LRP10: variants seen among roughly 807,000 people sequenced by gnomAD.
The protein encoded by LRP10 is low-density lipoprotein receptor-related protein 10.
Under a neutral mutation model 58.5 loss-of-function variants are expected in LRP10, and 42 were observed. The ratio of observed to expected loss-of-function variants is 0.72; its 90% CI spans 0.56 to 0.93. The LOEUF is 0.93. LRP10 is among the 40% of genes least tolerant of loss of function. The pLI is 0.00. For missense variants in LRP10, 872 were observed against 940.1 expected (o/e 0.93, Z 0.95); for synonymous variants, 377 against 388.5 (o/e 0.97, Z 0.35).
In LRP10 at chr14:22,872,773, C is replaced by T. The variant is rs760675702; in HGVS notation, c.70C>T (p.Pro24Ser). Reference sequence around the variant, plus strand: ...GGCCCATCCAGACCGGATTATTTTTCCAAATCATGGTGAGTTGAGGGAACC... The same window carrying T: ...GGCCCATCCAGACCGGATTATTTTTTCAAATCATGGTGAGTTGAGGGAACC... ...ALAHPDRIIFPNHACEDPPAV... is the reference protein window; with the variant it reads ...ALAHPDRIIFSNHACEDPPAV... Residue 24 changes from proline (P) to serine (S), a missense_variant, in exon 2 of 7, where the codon CCA becomes TCA. Physicochemically the swap from Pro to Ser is moderately conservative, Grantham distance 74. Coordinates refer to ENST00000359591, the MANE Select transcript of LRP10 (RefSeq NM_014045.5). The T allele has an allele frequency of 3.1e-6, 5 of 1,614,046 alleles. No homozygotes were observed. The Admixed American group carries it at 6.7e-5, about 22-fold the overall frequency.
At position 22,877,081 on chromosome 14, in the gene LRP10, C is replaced by T. The variant is rs538345468; in HGVS notation, c.1696C>T (p.Leu566Phe). The change falls in exon 7 of 7, where the codon CTC becomes TTC. Residue 566 changes from leucine to phenylalanine, a missense_variant. Coordinates refer to ENST00000359591, the MANE Select transcript of LRP10 (RefSeq NM_014045.5). This position sits in a 1 kb window ranked among gnomAD's most constrained non-coding sequence, Gnocchi z 5.1. Reference protein sequence around the residue: ...LVRRLRRWGLLPRTNTPARAS... With the variant: ...LVRRLRRWGLFPRTNTPARAS... Reference sequence around the variant, plus strand: ...ACGCCGTCTCCGCCGCTGGGGCTTGCTCCCTCGAACCAACACCCCGGCTCG... The same window carrying T: ...ACGCCGTCTCCGCCGCTGGGGCTTGTTCCCTCGAACCAACACCCCGGCTCG... 7 of 1,613,764 alleles carry T rather than the reference C, an allele frequency of 4.3e-6. No homozygotes were observed. The highest frequency in any genetic ancestry group is 4.5e-5 in the East Asian group (2 of 44,894).
In LRP10 at chr14:22,877,325, A is replaced by C; in HGVS notation, c.1940A>C (p.Glu647Ala). The change falls in exon 7 of 7, where the codon GAG becomes GCG. Residue 647 changes from glutamate to alanine, a missense_variant. Glu to Ala is a moderately radical substitution (Grantham distance 107). Coordinates refer to ENST00000359591, the MANE Select transcript of LRP10 (RefSeq NM_014045.5). The surrounding 1 kb of genome is among the most constrained non-coding windows in gnomAD (Gnocchi z 5.1). ...GGGCCACTGCCCTCACTGCCCCTAG[A>C]GCCATCACTATTGTCTGGAGTGGTG... is the stretch of plus-strand genomic sequence containing the variant. ...APGPLPSLPL[E>A]PSLLSGVVQA... 6.2e-7 allele frequency: 1 copy of C among 1,612,178 alleles called. No homozygotes were observed. The highest frequency in any genetic ancestry group is 1.1e-5 in the South Asian group (1 of 90,868).
chr14:22,873,130 ATG>A (rs1203601233), intron 2 of LRP10, 179 bp from the exon 3 acceptor site: 1 of 687,890 alleles, frequency 1.5e-6, no homozygotes, highest in African/African-American at 1.8e-5. Context: ...GCTATGAAGA[ATG>A]TGGAGAGAAA....
In LRP10 at chr14:22,872,798, C is replaced by A. The variant is rs183715119; in HGVS notation, c.79+16C>A. The A allele has an allele frequency of 2.5e-4, 402 of 1,613,942 alleles. No homozygotes were observed. The highest frequency in any genetic ancestry group is 3.2e-4 in the Non-Finnish European group (374 of 1,179,846). Reference sequence around the variant, plus strand: ...CCAAATCATGGTGAGTTGAGGGAACCTCTGGGGCTCCGTGGGCTTGGGAAT... The same window carrying A: ...CCAAATCATGGTGAGTTGAGGGAACATCTGGGGCTCCGTGGGCTTGGGAAT... On this transcript the variant is annotated intron_variant, in intron 2 of 6. Coordinates refer to ENST00000359591, the MANE Select transcript of LRP10 (RefSeq NM_014045.5).
At position 22,873,531 on chromosome 14, in the gene LRP10, T is replaced by C. The variant is rs373135966; in HGVS notation, c.215+85T>C. ...GAAGTCTTCAGGGATCACTTCTTTT[T>C]TTTTTTTTTTGAGACGGAGTTTCAC... On this transcript the variant is annotated intron_variant, in intron 3 of 6. Coordinates refer to ENST00000359591, the MANE Select transcript of LRP10 (RefSeq NM_014045.5). 6.9e-4 allele frequency: 1,014 copies of C among 1,471,662 alleles called. 5 individuals carry two copies. The African/African-American group carries it at 0.014, about 20-fold the overall frequency. The allele number at this position is 1,471,662 out of a possible 1,614,324, so 91.2% of individuals were successfully genotyped here. A position where few individuals can be genotyped will look rare whatever the true frequency, so the allele number is the denominator to read the frequency against.
chr14:22,874,661 G>A (rs2039984513), intron 3 of LRP10, among the ~76,000 whole-genome samples: 1 of 152,236 alleles, frequency 6.6e-6, no homozygotes, highest in African/African-American at 2.4e-5. Context: ...ACCAAGGCGG[G>A]TGGATCACCT....
In LRP10 at chr14:22,872,633, A is replaced by T. The variant is rs370318242; in HGVS notation, c.35-105A>T. On this transcript the variant is annotated intron_variant, in intron 1 of 6. Transcript: ENST00000359591. Reference sequence around the variant, plus strand: ...CTCCCGCCCCCCACTCCCTCTTCCGATTAACTGCCCGGAAGTCCCGGATGG... The same window carrying T: ...CTCCCGCCCCCCACTCCCTCTTCCGTTTAACTGCCCGGAAGTCCCGGATGG... 6 of 1,137,228 alleles carry T rather than the reference A, an allele frequency of 5.3e-6. No homozygotes were observed. In the East Asian group the frequency reaches 1.2e-4, roughly 23 times the overall value. The allele number at this position is 1,137,228 out of a possible 1,614,324, so 70.4% of individuals were successfully genotyped here.
rs2040001280 is a variant in LRP10 at position 22,876,020 on chromosome 14, C to T, written c.1072C>T (p.Pro358Ser). The T allele has an allele frequency of 6.8e-6, 11 of 1,613,370 alleles. No individual in the cohort carries two copies. The highest frequency in any genetic ancestry group is 8.5e-6 in the Non-Finnish European group (10 of 1,179,978). ...TGAGGAGGACTGCCCAGGCTGCCCA[C>T]CTGGACACTTCCCCTGTGGGGCTGC... is the stretch of plus-strand genomic sequence containing the variant. ...TDEEDCPGCP[P>S]GHFPCGAAGT... The change falls in exon 5 of 7, where the codon CCT (proline) becomes TCT (serine). Residue 358 changes from proline to serine, a missense_variant. Pro to Ser is a moderately conservative substitution (Grantham distance 74). Coordinates refer to ENST00000359591, the MANE Select transcript of LRP10 (RefSeq NM_014045.5).
Position 22,876,304 on chromosome 14 carries a change from C to T in LRP10, c.1356C>T (p.Cys452=), listed in dbSNP as rs747949277. The change falls in exon 5 of 7, where the codon TGC becomes TGT. Residue 452 remains cysteine (C), a synonymous_variant. Coordinates refer to ENST00000359591, the MANE Select transcript of LRP10 (RefSeq NM_014045.5). ...CTGCAGTCATTGGCAGCCTAGTGTG[C>T]GGCCTGCTCCTGGTCATCGCCCTGG... ...ITAAVIGSLV[C]GLLLVIALGC... is the part of the protein sequence containing the mutation. 2.8e-5 allele frequency: 45 copies of T among 1,613,962 alleles called. No homozygotes were observed. The highest frequency in any genetic ancestry group is 1.4e-4 in the South Asian group (13 of 91,092).
At chr14:22,873,536 T>C in intron 3 of LRP10, 90 bp downstream of exon 3, 6 of 1,475,540 alleles carry the variant, frequency 4.1e-6, no homozygotes, top group Non-Finnish European at 5.4e-6. Context: ...CTTTTTTTTT[T>C]TTTTTGAGAC....
chr14:22,872,845 T>C, intron 2 of LRP10, 63 bp downstream of exon 2: 1 of 1,536,724 alleles, frequency 6.5e-7, no homozygotes, highest in Non-Finnish European at 9.0e-7. Flanking sequence ...CGAGAAGGAC[T>C]CTCTGTTCCC....
At chr14:22,873,567 C>T in intron 3 of LRP10, 121 bp downstream of exon 3, 5 of 1,272,546 alleles carry the variant, frequency 3.9e-6, no homozygotes, top group Non-Finnish European at 4.2e-6. Context: ...TCTTGTCACC[C>T]GGGCTGGAGT....
intron 6 of LRP10, 37 bp from the exon 7 acceptor site, chr14:22,876,903 G>T (rs1373439633): frequency 1.1e-5 from 18 of 1,584,064 alleles, no homozygotes; most frequent in Non-Finnish European, 1.5e-5. Flanking sequence ...TTCAGCCTTT[G>T]GCCCTCTGAC....
rs573647733 is a variant in LRP10, at chr14:22,879,000, A to G, written c.*1473A>G. On this transcript the variant is annotated 3_prime_UTR_variant, in exon 7 of 7. Coordinates refer to ENST00000359591, the MANE Select transcript of LRP10 (RefSeq NM_014045.5). ...AACTGAGGAATTCCCTAACGGACCC[A>G]GTCCCTGGGGAAAGAGGCTCCCCTC... 3.1e-6 allele frequency: 1 copy of G among 318,496 alleles called. No individual in the cohort carries two copies. Among genetic ancestry groups the G allele is most frequent in the African/African-American group, 2.1e-5 (1 of 46,606 alleles). 19.7% of individuals were successfully genotyped at this position (318,496 alleles called of 1,614,324 possible). A position where few individuals can be genotyped will look rare whatever the true frequency, so the allele number is the denominator to read the frequency against.
At chr14:22,876,410 C>T (rs1463384290) in intron 5 of LRP10, 38 bp downstream of exon 5, 2 of 1,603,588 alleles carry the variant, frequency 1.2e-6, no homozygotes, top group Admixed American at 3.3e-5. Context: ...AGAGTAGACC[C>T]TGAGGGTGAG....
rs1373155121 is a variant in LRP10, at chr14:22,877,823, A to G, written c.*296A>G. The G allele has an allele frequency of 3.7e-5, 11 of 297,126 alleles. No homozygotes were observed. Among genetic ancestry groups the G allele is most frequent in the Non-Finnish European group, 6.8e-5 (11 of 161,472 alleles). 18.4% of individuals were successfully genotyped at this position (297,126 alleles called of 1,614,324 possible). A position where few individuals can be genotyped will look rare whatever the true frequency, so the allele number is the denominator to read the frequency against. On this transcript the variant is annotated 3_prime_UTR_variant, in exon 7 of 7. Coordinates refer to ENST00000359591, the MANE Select transcript of LRP10 (RefSeq NM_014045.5). This position sits in a 1 kb window ranked among gnomAD's most constrained non-coding sequence, Gnocchi z 5.1. Reference sequence around the variant, plus strand: ...TTGGGTGGCTGTTTTTAAAAAGTAAAGTTCTTAGAGGATCATAGGTCTGGA... The same window carrying G: ...TTGGGTGGCTGTTTTTAAAAAGTAAGGTTCTTAGAGGATCATAGGTCTGGA...
rs2039994164 is a variant in LRP10, at chr14:22,875,579, C to CT, written c.632dup (p.Ala212SerfsTer17). Reference sequence around the variant, plus strand: ...CTTCTCCTCTCCTGGATATACACACCTAGCCTCAGTCTCCCACCCCCAGTC... The same window carrying CT: ...CTTCTCCTCTCCTGGATATACACACCTTAGCCTCAGTCTCCCACCCCCAGTC... On this transcript the variant is annotated frameshift_variant, in exon 5 of 7. Coordinates refer to ENST00000359591, the MANE Select transcript of LRP10 (RefSeq NM_014045.5). LOFTEE classifies it high-confidence loss of function. The CT allele has an allele frequency of 6.2e-7, 1 of 1,614,184 alleles. No homozygotes were observed. The highest frequency in any genetic ancestry group is 8.5e-7 in the Non-Finnish European group (1 of 1,180,022).
At chr14:22,876,884 C>G in intron 6 of LRP10, 56 bp from the exon 7 acceptor site, 1 of 1,592,478 alleles carries the variant, frequency 6.3e-7, no homozygotes, top group Non-Finnish European at 8.6e-7. Context: ...GCCCCTGTAC[C>G]CTCCTTCATT....
chr14:22,877,962 C>T lies in LRP10; in HGVS notation c.*435C>T. On this transcript the variant is annotated 3_prime_UTR_variant, in exon 7 of 7. Coordinates refer to ENST00000359591, the MANE Select transcript of LRP10 (RefSeq NM_014045.5). This position sits in a 1 kb window ranked among gnomAD's most constrained non-coding sequence, Gnocchi z 5.1. ...GATTTGGGCAGAACCTGAGGTTTTG[C>T]CATCCACAATCCCTCCTACAGGGCC... 1.2e-5 allele frequency: 2 copies of T among 161,206 alleles called. No individual in the cohort carries two copies. The highest frequency in any genetic ancestry group is 6.4e-5 in the Admixed American group (1 of 15,540). The allele number at this position is 161,206 out of a possible 1,614,324, so 10.0% of individuals were successfully genotyped here. A position where few individuals can be genotyped will look rare whatever the true frequency, so the allele number is the denominator to read the frequency against.
Sources: gnomAD v4.1 joint callset for allele counts (sites outside exome capture counted in the v4.1 genomes callset) on GRCh38, gnomAD v4.1.1 for gene constraint, Gnocchi (gnomAD v3.1) non-coding constraint, MANE v1.5 for transcripts, NCBI Gene and HGNC (gene_info 2026-07-23, HGNC 2026-07-21) for gene names.